Variants in CDC27 observed in about 807,000 individuals in gnomAD.
The protein encoded by CDC27 is cell division cycle protein 27 homolog.
A neutral mutation model predicts 109.7 loss-of-function variants in CDC27; 27 were observed. The observed-to-expected ratio is 0.25, with a 90% CI of 0.18 to 0.34. The LOEUF (loss-of-function observed/expected upper bound fraction) is 0.34, where lower values mean the gene tolerates loss of function less well. Among genes scored for constraint, CDC27 ranks in the 10% least tolerant of loss-of-function variants. CDC27 has a pLI of 1.00. For missense variants in CDC27, 579 were observed against 960.2 expected, an observed-to-expected ratio of 0.60 and a Z score of 5.25; for synonymous variants, 266 against 333.9, an observed-to-expected ratio of 0.80 and a Z score of 2.22.
intron 9 of CDC27, among the ~76,000 whole-genome samples, chr17:47,149,797 A>C: frequency 6.6e-6 from 1 of 152,002 alleles, no homozygotes; most frequent in Non-Finnish European, 1.5e-5. Context: ...TCTACTAAAA[A>C]TACAAAAATT....
At chr17:47,169,366 C>A (rs1308685948) in intron 4 of CDC27, among the ~76,000 whole-genome samples, 1 of 151,950 alleles carries the variant, frequency 6.6e-6, no homozygotes, top group African/African-American at 2.4e-5. Context: ...TAACATGGGG[C>A]CGGGTACGGT....
At chr17:47,176,571 AG>A (rs1282705553) in intron 2 of CDC27, among the ~76,000 whole-genome samples, 1 of 152,214 alleles carries the variant, frequency 6.6e-6, no homozygotes, top group Non-Finnish European at 1.5e-5. Flanking sequence ...ATATATGAGG[AG>A]AAAAAAGATG....
intron 14 of CDC27, among the ~76,000 whole-genome samples, chr17:47,134,103 T>G (rs1486091943): frequency 6.6e-6 from 1 of 152,002 alleles, no homozygotes; most frequent in Non-Finnish European, 1.5e-5. Context: ...CTCACTATGT[T>G]GACCAAGCTG....
At chr17:47,151,992 C>T (rs1432747125) in intron 8 of CDC27, 74 bp from the exon 9 acceptor site, 37 of 1,383,536 alleles carry the variant, frequency 2.7e-5, no homozygotes, top group Non-Finnish European at 3.6e-5. Context: ...ACACAACGCT[C>T]CCATCTACAT....
chr17:47,140,550 G>A (rs2062764069), intron 12 of CDC27, among the ~76,000 whole-genome samples: 1 of 152,026 alleles, frequency 6.6e-6, no homozygotes, highest in African/African-American at 2.4e-5. Flanking sequence ...AAGAAAAATG[G>A]GAAAAAAACT....
intron 4 of CDC27, among the ~76,000 whole-genome samples, chr17:47,160,374 C>T (rs902885337): frequency 6.6e-6 from 1 of 151,972 alleles, no homozygotes; most frequent in Non-Finnish European, 1.5e-5. Flanking sequence ...ATTACAGGTG[C>T]ACACCACCAT....
intron 9 of CDC27, among the ~76,000 whole-genome samples, chr17:47,148,412 T>C (rs1008750843): frequency 2.0e-5 from 3 of 151,922 alleles, no homozygotes; most frequent in Non-Finnish European, 4.4e-5. Context: ...GAAACAAAAA[T>C]GAAGAATTAG....
intron 9 of CDC27, among the ~76,000 whole-genome samples, chr17:47,144,676 G>C (rs2062900107): frequency 6.6e-6 from 1 of 152,156 alleles, no homozygotes; most frequent in African/African-American, 2.4e-5. Context: ...CTTAAAATCT[G>C]AAACAATCTA....
rs187259209 is a variant in CDC27, at chr17:47,166,978, C to T, written c.377+2939G>A. On this transcript the variant is annotated intron_variant, in intron 4 of 18. Transcript: ENST00000066544. ...CAAGCAATTCTCGTGCCTCAGACTC[C>T]CAAGTAGCTGAGATTACAGACGTGC... 2.6e-3 allele frequency among the ~76,000 whole-genome samples: 403 copies of T among 152,260 alleles called. 6 individuals are homozygous for T. The highest frequency in any genetic ancestry group is 9.1e-3 in the African/African-American group (379 of 41,544).
intron 14 of CDC27, 124 bp downstream of exon 14, chr17:47,137,028 A>G: frequency 2.1e-6 from 1 of 486,664 alleles, no homozygotes; most frequent in Non-Finnish European, 3.6e-6. Context: ...GTTATTGACC[A>G]GTATGTACCA....
chr17:47,143,451 T>G (rs980019311), intron 10 of CDC27, among the ~76,000 whole-genome samples: 1 of 152,152 alleles, frequency 6.6e-6, no homozygotes, highest in African/African-American at 2.4e-5. Flanking sequence ...TGTATGTGTG[T>G]GCATAGTTCT....
At chr17:47,147,424 C>CAA (rs748165922) in intron 9 of CDC27, among the ~76,000 whole-genome samples, 3 of 96,726 alleles carry the variant, frequency 3.1e-5, no homozygotes, top group African/African-American at 1.1e-4. Context: ...AACAAACAAA[C>CAA]AAACAAAAAA....
chr17:47,175,885 T>C (rs966527905), intron 2 of CDC27, among the ~76,000 whole-genome samples: 1 of 152,184 alleles, frequency 6.6e-6, no homozygotes, highest in Non-Finnish European at 1.5e-5. Flanking sequence ...GTATGACATG[T>C]GGATTAAAGT....
At chr17:47,138,611 G>T in intron 13 of CDC27, 128 bp downstream of exon 13, 1 of 610,082 alleles carries the variant, frequency 1.6e-6, no homozygotes, top group Non-Finnish European at 2.8e-6. Context: ...TCCCTGACTA[G>T]AGAGAGAGGA....
chr17:47,130,225 G>A (rs896709283), intron 15 of CDC27, among the ~76,000 whole-genome samples: 3 of 152,170 alleles, frequency 2.0e-5, no homozygotes, highest in Non-Finnish European at 4.4e-5. Flanking sequence ...GCCGGGCGTG[G>A]TGTCACACGC....
chr17:47,182,784 A>G (rs1764331642), intron 1 of CDC27, among the ~76,000 whole-genome samples: 1 of 152,132 alleles, frequency 6.6e-6, no homozygotes, highest in African/African-American at 2.4e-5. Context: ...GGTTATTTCT[A>G]GGGTGTTTTT....
At chr17:47,146,268 G>A (rs2062956860) in intron 9 of CDC27, among the ~76,000 whole-genome samples, 1 of 152,218 alleles carries the variant, frequency 6.6e-6, no homozygotes, top group Admixed American at 6.5e-5. Context: ...GAATGTAAGA[G>A]GGTAGTAGGA....
rs184602383 is a variant in CDC27, at chr17:47,177,634, T to G, written c.103+3928A>C. Among the ~76,000 whole-genome samples, 1,008 of 152,268 alleles carry G rather than the reference T, an allele frequency of 6.6e-3. 7 individuals are homozygous for G. Among genetic ancestry groups the G allele is most frequent in the Non-Finnish European group, 8.7e-3 (591 of 68,012 alleles). On this transcript the variant is annotated intron_variant, in intron 2 of 18. Coordinates refer to ENST00000066544, the MANE Select transcript of CDC27 (RefSeq NM_001256.6). ...CCCACATTAATTTAAGATAAAACAGTAGACCTTAAGCAATTTTGAACTCTG... is the reference window on the plus strand; with the variant it reads ...CCCACATTAATTTAAGATAAAACAGGAGACCTTAAGCAATTTTGAACTCTG...
In CDC27 at chr17:47,156,934, G is replaced by C. The variant is rs199588670; in HGVS notation, c.821C>G (p.Ala274Gly). ...TGRSLLGGPA[A>G]LSPLTPSFGI... ...TTACCTTGGGGTTAATGGACTAAGA[G>C]CTGCTGGTCCTCCTAATAAACTTCG... The change falls in exon 7 of 19, where the codon GCT becomes GGT. Residue 274 changes from alanine to glycine, a missense_variant. Transcript: ENST00000066544. 6.7e-7 allele frequency: 1 copy of C among 1,503,248 alleles called. No homozygotes were observed. The highest frequency in any genetic ancestry group is 9.1e-7 in the Non-Finnish European group (1 of 1,097,154). 93.1% of individuals were successfully genotyped at this position (1,503,248 alleles called of 1,614,324 possible).
Sources: gnomAD v4.1 joint callset for allele counts (sites outside exome capture counted in the v4.1 genomes callset) on GRCh38, gnomAD v4.1.1 for gene constraint, MANE v1.5 for transcripts, NCBI Gene and HGNC (gene_info 2026-07-23, HGNC 2026-07-21) for gene names.